KPNA7: variants seen among roughly 807,000 people sequenced by gnomAD.
KPNA7 encodes importin subunit alpha-8.
A neutral mutation model predicts 53.7 loss-of-function variants in KPNA7; 54 were observed. The ratio of observed to expected loss-of-function variants is 1.01; its 90% CI spans 0.81 to 1.26. The LOEUF (loss-of-function observed/expected upper bound fraction) is 1.26. Ranked by LOEUF, KPNA7 falls within the 50% of genes most tolerant of loss-of-function variation. The pLI is 0.00. For missense variants in KPNA7, 640 were observed against 644.5 expected, an observed-to-expected ratio of 0.99 and a Z score of 0.07; for synonymous variants, 276 against 259.3, an observed-to-expected ratio of 1.06 and a Z score of -0.62.
intron 10 of KPNA7, among the ~76,000 whole-genome samples, chr7:99,175,778 C>T (rs1042538644): frequency 2.0e-5 from 3 of 152,030 alleles, no homozygotes; most frequent in East Asian, 1.9e-4. Context: ...TCCCAAAGTG[C>T]TGAGATTACA....
chr7:99,192,983 T>TC lies in KPNA7; in HGVS notation c.636+35_636+36insG, dbSNP rs1790032518. On this transcript the variant is annotated intron_variant, in intron 6 of 10. Transcript: ENST00000327442. ...ATTAAGATTATTTTAAAATTTTAAT[T>TC]TAAAAAAAAAAAAAGAGAAAGAAAA... 2.2e-6 allele frequency: 3 copies of TC among 1,348,736 alleles called. No individual in the cohort carries two copies. In the African/African-American group the frequency reaches 4.8e-5, roughly 21 times the overall value. The allele number at this position is 1,348,736 out of a possible 1,614,324, so 83.5% of individuals were successfully genotyped here. A position where few individuals can be genotyped will look rare whatever the true frequency, so the allele number is the denominator to read the frequency against.
chr7:99,202,042 G>C (rs1444948069), intron 3 of KPNA7, among the ~76,000 whole-genome samples: 1 of 152,046 alleles, frequency 6.6e-6, no homozygotes, highest in Non-Finnish European at 1.5e-5. Context: ...TCCTTGGATG[G>C]GGGGATTCTA....
At chr7:99,188,174 C>CG in intron 7 of KPNA7, 126 bp downstream of exon 7, 1 of 390,040 alleles carries the variant, frequency 2.6e-6, no homozygotes, top group East Asian at 5.1e-5. Context: ...GACTCTGTCT[C>CG]AAAAAAAAAA....
At chr7:99,187,845 A>G (rs1789697819) in intron 7 of KPNA7, among the ~76,000 whole-genome samples, 1 of 140,958 alleles carries the variant, frequency 7.1e-6, no homozygotes, top group African/African-American at 2.6e-5. Flanking sequence ...ACCCACTAGG[A>G]TTTGACATCA....
At chr7:99,179,712 G>C (rs374955256) in intron 9 of KPNA7, among the ~76,000 whole-genome samples, 5 of 151,600 alleles carry the variant, frequency 3.3e-5, no homozygotes, top group African/African-American at 1.2e-4. Context: ...AGCCTCCCGA[G>C]TAGCTGGGAT....
intron 5 of KPNA7, among the ~76,000 whole-genome samples, chr7:99,194,343 T>C (rs183773205): frequency 1.3e-5 from 2 of 152,146 alleles, no homozygotes; most frequent in South Asian, 4.1e-4. Flanking sequence ...AGTTTTTTTT[T>C]GTTGTTGTTG....
At chr7:99,207,760 C>T (rs539774957) in intron 1 of KPNA7, among the ~76,000 whole-genome samples, 1 of 150,708 alleles carries the variant, frequency 6.6e-6, no homozygotes, top group African/African-American at 2.4e-5. Flanking sequence ...CTCAGCCTCC[C>T]AGGTAGCTGG....
chr7:99,150,672 T>G, the KPNA7 span, among the ~76,000 whole-genome samples: 1 of 152,020 alleles, frequency 6.6e-6, no homozygotes, highest in Non-Finnish European at 1.5e-5. Context: ...AGCCTCAGCC[T>G]CCCAAACTGC....
chr7:99,157,590 C>A, the KPNA7 span, among the ~76,000 whole-genome samples: 2,133 of 152,242 alleles, frequency 0.014, 31 homozygotes, highest in Non-Finnish European at 0.019. Flanking sequence ...ATTTAGATTT[C>A]TTCTATACAT....
intron 2 of KPNA7, among the ~76,000 whole-genome samples, chr7:99,205,408 C>T (rs1296844158): frequency 1.3e-4 from 7 of 53,142 alleles, no homozygotes; most frequent in Non-Finnish European, 2.2e-4. Flanking sequence ...AAGACTCCAT[C>T]TCAAAAAAAA....
chr7:99,182,105 A>G, intron 8 of KPNA7, 40 bp from the exon 9 acceptor site: 3 of 1,466,252 alleles, frequency 2.0e-6, no homozygotes, highest in African/African-American at 1.4e-5. Context: ...CAGATCCTCA[A>G]GAACCTAAAT....
the KPNA7 span, among the ~76,000 whole-genome samples, chr7:99,152,192 AAAC>A: frequency 0.041 from 6,202 of 151,672 alleles, 425 homozygotes; most frequent in African/African-American, 0.14. Flanking sequence ...TCAGAAAAAC[AAAC>A]AACAACAACA....
intron 9 of KPNA7, among the ~76,000 whole-genome samples, chr7:99,178,323 C>A (rs184908061): frequency 1.3e-5 from 2 of 152,132 alleles, no homozygotes; most frequent in African/African-American, 4.8e-5. Flanking sequence ...TAATCCAACA[C>A]TTTGGGAGGC....
intron 4 of KPNA7, 146 bp from the exon 5 acceptor site, chr7:99,195,484 G>C: frequency 1.4e-6 from 1 of 705,604 alleles, no homozygotes; most frequent in Non-Finnish European, 2.3e-6. Context: ...AGGTCGCAAG[G>C]TCAGGAGTTC....
intron 3 of KPNA7, among the ~76,000 whole-genome samples, chr7:99,200,029 A>C (rs1425775197): frequency 6.6e-6 from 1 of 151,996 alleles, no homozygotes; most frequent in Non-Finnish European, 1.5e-5. Flanking sequence ...CAGCCTTCCT[A>C]ATAGCTGGGA....
chr7:99,202,407 A>G (rs1790582589), intron 3 of KPNA7, among the ~76,000 whole-genome samples: 1 of 152,204 alleles, frequency 6.6e-6, no homozygotes, highest in Admixed American at 6.5e-5. Flanking sequence ...TAGATGGAGA[A>G]GGGAAGACAG....
chr7:99,174,664 A>G (rs1037698780), intron 10 of KPNA7, among the ~76,000 whole-genome samples: 12 of 152,302 alleles, frequency 7.9e-5, no homozygotes, highest in South Asian at 4.1e-4. Context: ...TTGTTTTTAA[A>G]TGCAGTTTTG....
the KPNA7 span, among the ~76,000 whole-genome samples, chr7:99,146,879 C>T: frequency 6.6e-6 from 1 of 151,950 alleles, no homozygotes; most frequent in African/African-American, 2.4e-5. Flanking sequence ...GCCTATTTTA[C>T]GATAAAGTTA....
the KPNA7 span, among the ~76,000 whole-genome samples, chr7:99,156,807 G>A: frequency 2.0e-5 from 3 of 152,150 alleles, no homozygotes; most frequent in Non-Finnish European, 4.4e-5. Context: ...TTACAGGCAT[G>A]AGCCAACATG....
Sources: gnomAD v4.1 joint callset for allele counts (sites outside exome capture counted in the v4.1 genomes callset) on GRCh38, gnomAD v4.1.1 for gene constraint, MANE v1.5 for transcripts, NCBI Gene and HGNC (gene_info 2026-07-23, HGNC 2026-07-21) for gene names.